GRIP1: variants seen among roughly 807,000 people sequenced by gnomAD.
GRIP1 encodes glutamate receptor-interacting protein 1.
Under a neutral mutation model 129.9 loss-of-function variants are expected in GRIP1, and 45 were observed. The ratio of observed to expected loss-of-function variants is 0.35; its 90% confidence interval spans 0.27 to 0.44. The LOEUF (loss-of-function observed/expected upper bound fraction) is 0.44, where lower values mean the gene tolerates loss of function less well. GRIP1 is among the 20% of genes least tolerant of loss of function. The pLI is 1.00. For missense variants in GRIP1, 1,196 were observed against 1,396.8 expected (o/e 0.86, Z 2.29); for synonymous variants, 530 against 520.8 (o/e 1.02, Z -0.24).
intron 1 of GRIP1, among the ~76,000 whole-genome samples, chr12:67,065,827 C>A (rs2043615005): frequency 6.6e-6 from 1 of 152,178 alleles, no homozygotes; most frequent in Non-Finnish European, 1.5e-5. Context: ...TACACATGAT[C>A]AGCTAATAAG....
chr12:66,905,931 T>C (rs2040924299), intron 1 of GRIP1, among the ~76,000 whole-genome samples: 1 of 152,166 alleles, frequency 6.6e-6, no homozygotes, highest in African/African-American at 2.4e-5. Flanking sequence ...AAGGAACATT[T>C]TCTGCACAAA....
chr12:66,664,416 T>G (rs2033682565), intron 1 of GRIP1, among the ~76,000 whole-genome samples: 1 of 152,216 alleles, frequency 6.6e-6, no homozygotes. Context: ...ATTCATAGTA[T>G]ATATTCCTTC....
chr12:66,839,310 A>T (rs1256894946), intron 1 of GRIP1, among the ~76,000 whole-genome samples: 1 of 152,148 alleles, frequency 6.6e-6, no homozygotes, highest in African/African-American at 2.4e-5. Context: ...AGGGACCATT[A>T]TGGGAAAATG....
At chr12:66,884,916 AAAG>A (rs2040539926) in intron 1 of GRIP1, among the ~76,000 whole-genome samples, 1 of 152,176 alleles carries the variant, frequency 6.6e-6, no homozygotes, top group Non-Finnish European at 1.5e-5. Context: ...AGGAAAGAAA[AAAG>A]AAGCTTTTGC....
intron 1 of GRIP1, among the ~76,000 whole-genome samples, chr12:66,797,177 CA>C (rs1476553370): frequency 2.0e-5 from 3 of 152,170 alleles, no homozygotes; most frequent in Non-Finnish European, 4.4e-5. Context: ...CATCTGGCAT[CA>C]TGGTGAATGA....
chr12:66,542,047 G>C (rs1425351720), intron 2 of GRIP1, 97 bp from the exon 3 acceptor site: 2 of 1,131,966 alleles, frequency 1.8e-6, no homozygotes, highest in Admixed American at 3.4e-5. Context: ...TCTTTTATGA[G>C]AAAAGATATT....
intron 1 of GRIP1, among the ~76,000 whole-genome samples, chr12:66,995,152 A>C (rs1024797072): frequency 6.6e-6 from 1 of 151,874 alleles, no homozygotes; most frequent in Non-Finnish European, 1.5e-5. Flanking sequence ...TCAAGAATAA[A>C]GTTTGACCTA....
chr12:66,579,819 T>A (rs577667122), intron 2 of GRIP1, among the ~76,000 whole-genome samples: 1 of 151,148 alleles, frequency 6.6e-6, no homozygotes, highest in East Asian at 1.9e-4. Context: ...TGGAACCAAG[T>A]TGGAAAACAC....
chr12:67,006,619 C>A (rs557351710), intron 1 of GRIP1, among the ~76,000 whole-genome samples: 5 of 152,224 alleles, frequency 3.3e-5, no homozygotes, highest in African/African-American at 1.2e-4. Flanking sequence ...TTAAAAGTCA[C>A]ATTGACAGCC....
intron 1 of GRIP1, among the ~76,000 whole-genome samples, chr12:66,801,852 C>T (rs891523795): frequency 5.3e-5 from 8 of 152,098 alleles, no homozygotes; most frequent in East Asian, 1.9e-4. Context: ...AATTCCACCA[C>T]GTTTTCAGCC....
At chr12:66,525,273 A>T (rs1371165170) in intron 5 of GRIP1, among the ~76,000 whole-genome samples, 3 of 152,186 alleles carry the variant, frequency 2.0e-5, no homozygotes, top group African/African-American at 7.2e-5. Context: ...TTGATGCAAA[A>T]ATCCTCAATA....
chr12:66,483,603 A>G (rs919033792), intron 7 of GRIP1, among the ~76,000 whole-genome samples: 1 of 152,214 alleles, frequency 6.6e-6, no homozygotes, highest in African/African-American at 2.4e-5. Flanking sequence ...TAATTTTGGA[A>G]TAACTTGACC....
intron 2 of GRIP1, among the ~76,000 whole-genome samples, chr12:66,543,500 A>G (rs1055561898): frequency 6.6e-5 from 10 of 152,178 alleles, no homozygotes; most frequent in Non-Finnish European, 1.5e-4. Context: ...AAACATCTGT[A>G]ACAAAATTCT....
chr12:66,392,567 C>G, intron 18 of GRIP1, 65 bp from the exon 19 acceptor site: 1 of 1,568,144 alleles, frequency 6.4e-7, no homozygotes, highest in Non-Finnish European at 8.8e-7. Flanking sequence ...CCAAGATACT[C>G]CGTGGCTAGA....
chr12:66,621,631 T>C (rs2065271536), intron 1 of GRIP1, among the ~76,000 whole-genome samples: 2 of 152,150 alleles, frequency 1.3e-5, no homozygotes, highest in African/African-American at 4.8e-5. Context: ...GAATTGTGGA[T>C]CATATGTTAA....
At chr12:66,575,034 A>T (rs1339171380) in intron 2 of GRIP1, among the ~76,000 whole-genome samples, 1 of 151,996 alleles carries the variant, frequency 6.6e-6, no homozygotes, top group Non-Finnish European at 1.5e-5. Context: ...AGCCTCCGAA[A>T]GTATTGGGAT....
intron 1 of GRIP1, among the ~76,000 whole-genome samples, chr12:66,957,590 A>G (rs909327531): frequency 3.9e-5 from 6 of 152,080 alleles, no homozygotes; most frequent in Non-Finnish European, 8.8e-5. Context: ...CAGGTCAGGC[A>G]TTTTGCAAAT....
At chr12:66,384,144 G>C (rs936803134) in intron 19 of GRIP1, among the ~76,000 whole-genome samples, 1 of 152,112 alleles carries the variant, frequency 6.6e-6, no homozygotes, top group Non-Finnish European at 1.5e-5. Context: ...CTCATTGATT[G>C]GTAACCAGTT....
chr12:66,834,858 C>T (rs1297459163), intron 1 of GRIP1, among the ~76,000 whole-genome samples: 2 of 138,230 alleles, frequency 1.4e-5, no homozygotes, highest in Admixed American at 7.8e-5. Context: ...GAGTTCAAGG[C>T]TATACGAGCT....
Sources: allele counts gnomAD v4.1 joint callset (sites outside exome capture counted in the v4.1 genomes callset), GRCh38; gene constraint gnomAD v4.1.1; transcripts MANE v1.5; gene names NCBI Gene and HGNC (gene_info 2026-07-23, HGNC 2026-07-21).